PBX1: variants seen among roughly 807,000 people sequenced by gnomAD.
The protein encoded by PBX1 is pre-B-cell leukemia transcription factor 1.
PBX1 carries 6 observed loss-of-function variants against 53.4 expected under a neutral mutation model. The ratio of observed to expected loss-of-function variants is 0.11; its 90% confidence interval spans 0.06 to 0.22. The LOEUF (loss-of-function observed/expected upper bound fraction) is 0.22, where lower values mean the gene tolerates loss of function less well. Among genes scored for constraint, PBX1 ranks in the 10% least tolerant of loss-of-function variants. The probability of loss-of-function intolerance (pLI) is 1.00; values close to 1 mark genes in which losing one functional copy is unlikely to be tolerated. For synonymous variants in PBX1, 204 were observed against 212.3 expected (o/e 0.96, Z 0.34); for missense variants, 251 against 551.4 (o/e 0.46, Z 5.46).
chr1:164,603,505 A>G (rs566242194), intron 2 of PBX1, among the ~76,000 whole-genome samples: 42 of 152,248 alleles, frequency 2.8e-4, no homozygotes, highest in Non-Finnish European at 4.9e-4. Context: ...CATTATGTGA[A>G]AATACAGATC....
chr1:164,866,465 A>C (rs141642933), intron 2 of PBX1, among the ~76,000 whole-genome samples: 1,806 of 152,312 alleles, frequency 0.012, 27 homozygotes, highest in African/African-American at 0.037. Flanking sequence ...CAACAGACAA[A>C]CTGTGACCCA....
At chr1:164,630,848 T>C (rs1658365023) in intron 2 of PBX1, 1 of 152,210 alleles carries the variant, frequency 6.6e-6, no homozygotes, top group Non-Finnish European at 1.5e-5. Flanking sequence ...TCACAGTTCA[T>C]AGTAAAGTAA....
At chr1:164,670,824 T>C (rs111381954) in intron 2 of PBX1, among the ~76,000 whole-genome samples, 4 of 152,244 alleles carry the variant, frequency 2.6e-5, no homozygotes, top group African/African-American at 4.8e-5. Flanking sequence ...GAACAAAGCA[T>C]TGGGGGGAGG....
At chr1:164,868,513 G>A (rs1309562074) in intron 2 of PBX1, among the ~76,000 whole-genome samples, 1 of 152,202 alleles carries the variant, frequency 6.6e-6, no homozygotes, top group Non-Finnish European at 1.5e-5. Context: ...CTGAAACCTG[G>A]TTGATTTGCA....
At chr1:164,677,230 C>G (rs1571203078) in intron 2 of PBX1, among the ~76,000 whole-genome samples, 1 of 151,570 alleles carries the variant, frequency 6.6e-6, no homozygotes, top group South Asian at 2.1e-4. Context: ...GTAGCTGGGA[C>G]TACAGGCGCC....
At chr1:164,881,708 G>T (rs1363063697) in intron 2 of PBX1, among the ~76,000 whole-genome samples, 3 of 152,140 alleles carry the variant, frequency 2.0e-5, no homozygotes, top group Admixed American at 6.5e-5. Flanking sequence ...TTTTCTGGCT[G>T]TCCAGCATCT....
chr1:164,780,081 A>G (rs1667855908), intron 2 of PBX1, among the ~76,000 whole-genome samples: 1 of 152,120 alleles, frequency 6.6e-6, no homozygotes, highest in Non-Finnish European at 1.5e-5. Context: ...TGACCACTGT[A>G]TCTCCCCACA....
chr1:164,862,783 G>A (rs375147214), intron 2 of PBX1, among the ~76,000 whole-genome samples: 1 of 152,210 alleles, frequency 6.6e-6, no homozygotes, highest in Admixed American at 6.5e-5. Flanking sequence ...ACAGTGTTGA[G>A]AGCTAAGGAT....
chr1:164,647,338 G>A (rs975058057), intron 2 of PBX1, among the ~76,000 whole-genome samples: 1 of 152,102 alleles, frequency 6.6e-6, no homozygotes, highest in African/African-American at 2.4e-5. Context: ...AGAAGAGCAC[G>A]GCAGTCCGGA....
At chr1:164,779,889 G>A (rs900231868) in intron 2 of PBX1, among the ~76,000 whole-genome samples, 1 of 152,160 alleles carries the variant, frequency 6.6e-6, no homozygotes, top group Non-Finnish European at 1.5e-5. Flanking sequence ...ACAGTGAGCA[G>A]GAAAGCCAGA....
At chr1:164,695,346 G>A (rs556487390) in intron 2 of PBX1, among the ~76,000 whole-genome samples, 2 of 152,038 alleles carry the variant, frequency 1.3e-5, no homozygotes, top group East Asian at 3.9e-4. Flanking sequence ...ACTTCACCAG[G>A]GCTATTTCTC....
chr1:164,696,786 C>T (rs777636232), intron 2 of PBX1, among the ~76,000 whole-genome samples: 10 of 152,128 alleles, frequency 6.6e-5, no homozygotes, highest in South Asian at 2.1e-4. Context: ...CATAGGATAG[C>T]GCTGTATCTG....
At chr1:164,879,054 C>G (rs1043090669) in intron 2 of PBX1, among the ~76,000 whole-genome samples, 3 of 152,138 alleles carry the variant, frequency 2.0e-5, no homozygotes, top group Admixed American at 2.0e-4. Context: ...GTACTCATCC[C>G]AAATCTGGGG....
At chr1:164,809,672 A>G (rs955355183) in intron 5 of PBX1, among the ~76,000 whole-genome samples, 1 of 152,158 alleles carries the variant, frequency 6.6e-6, no homozygotes, top group African/African-American at 2.4e-5. Flanking sequence ...CTGTATCATT[A>G]TTGTCTTTTT....
chr1:164,631,722 G>C (rs1159415534), intron 2 of PBX1, among the ~76,000 whole-genome samples: 2 of 152,136 alleles, frequency 1.3e-5, no homozygotes, highest in African/African-American at 4.8e-5. Context: ...AAACAAACAA[G>C]AGTACAGCAA....
chr1:164,778,690 G>A (rs908381970), intron 2 of PBX1, among the ~76,000 whole-genome samples: 1 of 151,876 alleles, frequency 6.6e-6, no homozygotes, highest in African/African-American at 2.4e-5. Flanking sequence ...AAAACTACAT[G>A]TGTGTCGTTA....
At chr1:164,799,029 C>G (rs1169690712) in intron 3 of PBX1, among the ~76,000 whole-genome samples, 1 of 152,104 alleles carries the variant, frequency 6.6e-6, no homozygotes. Context: ...GCAGAAAGCA[C>G]ATGATACATT....
intron 2 of PBX1, among the ~76,000 whole-genome samples, chr1:164,685,960 G>C (rs1182767208): frequency 6.6e-6 from 1 of 152,172 alleles, no homozygotes; most frequent in Non-Finnish European, 1.5e-5. Flanking sequence ...GTGTTACAAA[G>C]TGCAGCACCA....
At chr1:164,635,516 A>C (rs1422838431) in intron 2 of PBX1, among the ~76,000 whole-genome samples, 1 of 152,222 alleles carries the variant, frequency 6.6e-6, no homozygotes, top group Non-Finnish European at 1.5e-5. Flanking sequence ...TTGTCGGACA[A>C]AATCAACACT....
Sources: gnomAD v4.1 joint callset for allele counts (sites outside exome capture counted in the v4.1 genomes callset) on GRCh38, gnomAD v4.1.1 for gene constraint, MANE v1.5 for transcripts, NCBI Gene and HGNC (gene_info 2026-07-23, HGNC 2026-07-21) for gene names.